ATXN1: variants seen among roughly 807,000 people sequenced by gnomAD.
ATXN1 encodes the protein ataxin-1.
ATXN1 carries 8 observed loss-of-function variants against 56.4 expected under a neutral mutation model. That is an observed-to-expected ratio of 0.14 (90% CI 0.08 to 0.26). ATXN1 has a LOEUF of 0.26. Ranked by LOEUF, ATXN1 falls within the 10% of genes least tolerant of loss-of-function variation. ATXN1 has a pLI of 1.00. For synonymous variants in ATXN1, 514 were observed against 494.6 expected, an observed-to-expected ratio of 1.04 and a Z score of -0.52; for missense variants, 987 against 1,106.5, an observed-to-expected ratio of 0.89 and a Z score of 1.53.
chr6:16,719,581 A>C (rs1406889547), intron 2 of ATXN1, among the ~76,000 whole-genome samples: 3 of 152,216 alleles, frequency 2.0e-5, no homozygotes, highest in Non-Finnish European at 4.4e-5. Context: ...TAAGAAGATA[A>C]AAATTAACCA....
At chr6:16,694,497 TTATGTC>T (rs1420803824) in intron 2 of ATXN1, among the ~76,000 whole-genome samples, 1 of 152,140 alleles carries the variant, frequency 6.6e-6, no homozygotes, top group African/African-American at 2.4e-5. Flanking sequence ...TTAAAAGAAA[TTATGTC>T]TATGTTAATG....
chr6:16,331,756 T>C (rs1188811904), intron 6 of ATXN1, among the ~76,000 whole-genome samples: 4 of 152,220 alleles, frequency 2.6e-5, no homozygotes, highest in Non-Finnish European at 5.9e-5. Context: ...AAATGTAACA[T>C]TGCCTGTACA....
chr6:16,367,887 G>A (rs892651248), intron 6 of ATXN1, among the ~76,000 whole-genome samples: 4 of 152,148 alleles, frequency 2.6e-5, no homozygotes, highest in African/African-American at 9.7e-5. Flanking sequence ...GAATGGTAAT[G>A]TTAAAGGCTA....
intron 6 of ATXN1, among the ~76,000 whole-genome samples, chr6:16,460,205 G>A (rs1431435454): frequency 6.6e-6 from 1 of 152,104 alleles, no homozygotes; most frequent in Non-Finnish European, 1.5e-5. Context: ...CCTTAAAGCA[G>A]GCCCTAGTAC....
chr6:16,686,503 C>CACAGTTTTACGGGG (rs6149447), intron 2 of ATXN1, among the ~76,000 whole-genome samples: 1 of 151,924 alleles, frequency 6.6e-6, no homozygotes, highest in Non-Finnish European at 1.5e-5. Flanking sequence ...GCATGCAACA[C>CACAGTTTTACGGGG]ATTATGCCGA....
At chr6:16,590,517 C>T (rs1453982028) in intron 3 of ATXN1, among the ~76,000 whole-genome samples, 1 of 152,126 alleles carries the variant, frequency 6.6e-6, no homozygotes, top group Admixed American at 6.5e-5. Flanking sequence ...ATATAAAGTA[C>T]TATCATTATT....
intron 3 of ATXN1, among the ~76,000 whole-genome samples, chr6:16,644,387 C>T (rs1428562720): frequency 2.6e-5 from 4 of 151,848 alleles, no homozygotes; most frequent in East Asian, 1.9e-4. Context: ...TGGCGGCATG[C>T]GCCTGTAGTC....
intron 5 of ATXN1, among the ~76,000 whole-genome samples, chr6:16,501,571 G>A (rs1265849610): frequency 6.6e-6 from 1 of 152,150 alleles, no homozygotes; most frequent in Non-Finnish European, 1.5e-5. Context: ...AGAACATGCG[G>A]TGTTTGGTTT....
intron 6 of ATXN1, among the ~76,000 whole-genome samples, chr6:16,344,809 C>A (rs1761342187): frequency 6.6e-6 from 1 of 152,220 alleles, no homozygotes; most frequent in Non-Finnish European, 1.5e-5. Context: ...ATATATACAT[C>A]TATCCTATTA....
At chr6:16,492,309 G>A (rs1319691503) in intron 5 of ATXN1, among the ~76,000 whole-genome samples, 3 of 151,934 alleles carry the variant, frequency 2.0e-5, no homozygotes, top group South Asian at 4.2e-4. Flanking sequence ...AGCATTAGGA[G>A]ATATACCTAA....
intron 2 of ATXN1, among the ~76,000 whole-genome samples, chr6:16,662,949 C>T (rs1581343122): frequency 6.6e-6 from 1 of 150,664 alleles, no homozygotes; most frequent in South Asian, 2.1e-4. Flanking sequence ...AATAAGATAG[C>T]CACAGTATTT....
intron 6 of ATXN1, among the ~76,000 whole-genome samples, chr6:16,419,202 G>T (rs1758978608): frequency 6.6e-6 from 1 of 152,182 alleles, no homozygotes; most frequent in African/African-American, 2.4e-5. Context: ...TCCTGCCTCA[G>T]CCACCCAAGT....
At chr6:16,624,649 C>T (rs1437715268) in intron 3 of ATXN1, among the ~76,000 whole-genome samples, 3 of 151,944 alleles carry the variant, frequency 2.0e-5, no homozygotes, top group Non-Finnish European at 4.4e-5. Context: ...TAAGCTATAC[C>T]AAATTTCAGT....
Position 16,753,272 on chromosome 6 carries a change from G to A in ATXN1, c.-654C>T. ...ACTTCCCTGTAGTGGCAGTGGAGGA[G>A]GAGATTGCTGTACAAGGATGACAAA... On this transcript the variant is annotated 5_prime_UTR_variant, in exon 2 of 8. Transcript: ENST00000436367. 4.4e-6 allele frequency: 2 copies of A among 456,728 alleles called. No homozygotes were observed. The highest frequency in any genetic ancestry group is 1.5e-5 in the South Asian group (1 of 64,570). 28.3% of individuals were successfully genotyped at this position (456,728 alleles called of 1,614,324 possible).
intron 4 of ATXN1, among the ~76,000 whole-genome samples, chr6:16,567,593 A>T (rs1561758552): frequency 6.6e-6 from 1 of 152,116 alleles, no homozygotes; most frequent in Non-Finnish European, 1.5e-5. Context: ...CTACCTCCTA[A>T]CAGAACAGCA....
intron 5 of ATXN1, among the ~76,000 whole-genome samples, chr6:16,487,289 G>A (rs950695262): frequency 4.0e-4 from 60 of 148,374 alleles, no homozygotes; most frequent in African/African-American, 1.4e-3. Context: ...AAAAACAGTT[G>A]TAGTATTAGC....
At chr6:16,390,574 G>A (rs546243881) in intron 6 of ATXN1, among the ~76,000 whole-genome samples, 4 of 152,100 alleles carry the variant, frequency 2.6e-5, no homozygotes, top group Admixed American at 2.6e-4. Flanking sequence ...ACCTCCATTT[G>A]GCTTATCTAT....
chr6:16,453,204 C>A (rs1759787943), intron 6 of ATXN1, among the ~76,000 whole-genome samples: 1 of 151,986 alleles, frequency 6.6e-6, no homozygotes, highest in Admixed American at 6.6e-5. Flanking sequence ...AGAGGGGGTA[C>A]ACTCTCAGCA....
At chr6:16,307,562 T>C (rs1760280618) in intron 7 of ATXN1, among the ~76,000 whole-genome samples, 1 of 151,074 alleles carries the variant, frequency 6.6e-6, no homozygotes, top group South Asian at 2.1e-4. Context: ...TAATCCCAGC[T>C]ACTTGGGAGG....
Sources: gnomAD v4.1 joint callset for allele counts (sites outside exome capture counted in the v4.1 genomes callset) on GRCh38, gnomAD v4.1.1 for gene constraint, MANE v1.5 for transcripts, NCBI Gene and HGNC (gene_info 2026-07-23, HGNC 2026-07-21) for gene names.